The following FARP2 variants were observed in gnomAD, a reference collection of about 807,000 sequenced individuals.
FARP2 encodes FERM, ARH/RhoGEF and pleckstrin domain protein 2.
In FARP2, 111 loss-of-function variants were observed where a neutral mutation model predicts 130.5. The observed-to-expected ratio is 0.85, with a 90% confidence interval of 0.73 to 1.00. FARP2 has a LOEUF of 1.00. Ranked by LOEUF, FARP2 falls within the 50% of genes least tolerant of loss-of-function variation. The pLI, the probability that FARP2 is intolerant of heterozygous loss-of-function variation, is 0.00. For missense variants in FARP2, 1,385 were observed against 1,346.3 expected, an observed-to-expected ratio of 1.03 and a Z score of -0.45; for synonymous variants, 504 against 516.9, an observed-to-expected ratio of 0.98 and a Z score of 0.34.
chr2:241,441,472 G>A lies in FARP2; in HGVS notation c.1327G>A (p.Glu443Lys), dbSNP rs200959257. Reference protein sequence around the residue: ...QVSYVKSPAAERRSGAVAGGP... With the variant: ...QVSYVKSPAAKRRSGAVAGGP... Reference sequence around the variant, plus strand: ...TTCCTACGTCAAGAGTCCAGCTGCAGAGAGGCGCAGTGGAGCAGTGGCTGG... The same window carrying A: ...TTCCTACGTCAAGAGTCCAGCTGCAAAGAGGCGCAGTGGAGCAGTGGCTGG... The change falls in exon 13 of 27, where the codon GAG becomes AAG. Residue 443 changes from glutamate to lysine, a missense_variant. By Grantham distance (56) the Glu-to-Lys change is moderately conservative. Transcript: ENST00000264042. 4.3e-6 allele frequency: 7 copies of A among 1,614,220 alleles called. No individual in the cohort carries two copies. The highest frequency in any genetic ancestry group is 5.9e-6 in the Non-Finnish European group (7 of 1,180,042).
At chr2:241,462,448 C>A in intron 14 of FARP2, 75 bp from the exon 15 acceptor site, 2 of 1,017,472 alleles carry the variant, frequency 2.0e-6, no homozygotes, top group Non-Finnish European at 3.1e-6. Flanking sequence ...CAAACATTAC[C>A]AACTTCAGGC....
At position 241,441,491 on chromosome 2, in the gene FARP2, T is replaced by C; in HGVS notation, c.1346T>C (p.Val449Ala). The C allele has an allele frequency of 6.2e-7, 1 of 1,614,134 alleles. No individual in the cohort carries two copies. The highest frequency in any genetic ancestry group is 8.5e-7 in the Non-Finnish European group (1 of 1,180,006). Residue 449 changes from valine to alanine, a missense_variant, in exon 13 of 27, where the codon GTG (valine) becomes GCG (alanine). Physicochemically the swap from Val to Ala is moderately conservative, Grantham distance 64. Transcript: ENST00000264042. The part of the protein sequence containing the change: ...SPAAERRSGA[V>A]AGGPDTPSAQ... The stretch of plus-strand genomic sequence containing the variant: ...GCTGCAGAGAGGCGCAGTGGAGCAG[T>C]GGCTGGAGGCCCCGACACACCATCG...
intron 12 of FARP2, among the ~76,000 whole-genome samples, chr2:241,440,187 A>G (rs1309232735): frequency 1.3e-5 from 2 of 152,234 alleles, no homozygotes; most frequent in Admixed American, 6.5e-5. Flanking sequence ...TAACACGTGC[A>G]TGTGTATATT....
chr2:241,366,100 A>ATATATATATATATAT (rs1553705591), intron 1 of FARP2, among the ~76,000 whole-genome samples: 2 of 9,236 alleles, frequency 2.2e-4, no homozygotes, highest in Non-Finnish European at 1.6e-3. Flanking sequence ...ACTAAAAAAA[A>ATATATATATATATAT]AAAAATATAT....
chr2:241,483,389 C>G, intron 19 of FARP2, 76 bp from the exon 20 acceptor site: 1 of 1,279,414 alleles, frequency 7.8e-7, no homozygotes. Flanking sequence ...AAGGCTATTC[C>G]TGACCCTCAG....
intron 2 of FARP2, among the ~76,000 whole-genome samples, chr2:241,400,568 T>G (rs866972306): frequency 6.6e-6 from 1 of 152,214 alleles, no homozygotes; most frequent in African/African-American, 2.4e-5. Flanking sequence ...TGACTTTTTA[T>G]CAGATTCTCA....
At chr2:241,405,770 C>T (rs1314910963) in intron 4 of FARP2, among the ~76,000 whole-genome samples, 2 of 151,988 alleles carry the variant, frequency 1.3e-5, no homozygotes, top group African/African-American at 4.8e-5. Context: ...CCTGTCTCTA[C>T]TAAAAATACA....
intron 23 of FARP2, 100 bp from the exon 24 acceptor site, chr2:241,491,416 C>T (rs1261087858): frequency 4.5e-6 from 6 of 1,331,726 alleles, no homozygotes; most frequent in Non-Finnish European, 6.2e-6. Context: ...AAGGGCTCCC[C>T]ATTTCCCCAG....
At position 241,404,790 on chromosome 2, in the gene FARP2, C is replaced by A. The variant is rs1345955082; in HGVS notation, c.289-9C>A. 1 of 1,597,724 alleles carries A rather than the reference C, an allele frequency of 6.3e-7. No homozygotes were observed. The highest frequency in any genetic ancestry group is 1.7e-5 in the Admixed American group (1 of 59,932). On this transcript the variant is annotated splice_polypyrimidine_tract_variant and intron_variant, in intron 3 of 26. Coordinates refer to ENST00000264042, the MANE Select transcript of FARP2 (RefSeq NM_014808.4). ...ATAGATTGGATTTCTTCTGTTAACT[C>A]TTCTTTAGATTTGGCTTGAACCTAT... is the stretch of plus-strand genomic sequence containing the variant.
intron 2 of FARP2, among the ~76,000 whole-genome samples, chr2:241,390,134 C>T (rs551085524): frequency 1.3e-5 from 2 of 152,354 alleles, no homozygotes; most frequent in African/African-American, 4.8e-5. Flanking sequence ...AAGTTGGCCC[C>T]GTGGCATAGT....
At chr2:241,381,942 A>C (rs923079930) in intron 2 of FARP2, among the ~76,000 whole-genome samples, 1 of 152,188 alleles carries the variant, frequency 6.6e-6, no homozygotes, top group Non-Finnish European at 1.5e-5. Context: ...AGACCAATCA[A>C]CGCCATCTCT....
chr2:241,431,599 T>C (rs551027656), intron 8 of FARP2, 80 bp from the exon 9 acceptor site: 13 of 741,248 alleles, frequency 1.8e-5, no homozygotes, highest in Non-Finnish European at 2.6e-5. Context: ...GGCAAGGATG[T>C]AATTTAAGCA....
At chr2:241,483,570 GA>G in intron 20 of FARP2, 37 bp downstream of exon 20, 1 of 1,579,772 alleles carries the variant, frequency 6.3e-7, no homozygotes, top group Non-Finnish European at 8.7e-7. Flanking sequence ...GCTTCCCCCC[GA>G]GGGGGATGGG....
At chr2:241,476,665 G>A (rs535358456) in intron 19 of FARP2, among the ~76,000 whole-genome samples, 2 of 151,958 alleles carry the variant, frequency 1.3e-5, no homozygotes, top group South Asian at 4.2e-4. Flanking sequence ...CTCTAGCCTG[G>A]GTAACATGAG....
At chr2:241,492,185 T>A (rs1180340984) in intron 24 of FARP2, among the ~76,000 whole-genome samples, 1 of 152,132 alleles carries the variant, frequency 6.6e-6, no homozygotes, top group East Asian at 1.9e-4. Context: ...CTCTTGTCTT[T>A]TTTGCTGTCT....
At chr2:241,367,018 C>T (rs1004563593) in intron 1 of FARP2, among the ~76,000 whole-genome samples, 3 of 152,044 alleles carry the variant, frequency 2.0e-5, no homozygotes, top group Admixed American at 6.5e-5. Flanking sequence ...TGTCAGTAAG[C>T]GCTCTTCCAT....
At position 241,442,221 on chromosome 2, in the gene FARP2, A is replaced by G. The variant is rs1371047512; in HGVS notation, c.1411+665A>G. ...GGCTGTCTGTGCACACATGCAGCTC[A>G]GCCAGTCAATCTGAGGCCAGCTCCA... On this transcript the variant is annotated intron_variant, in intron 13 of 26. Transcript: ENST00000264042. 1.1e-5 allele frequency: 5 copies of G among 456,616 alleles called. No individual in the cohort carries two copies. The Admixed American group carries it at 1.2e-4, about 11-fold the overall frequency. The allele number at this position is 456,616 out of a possible 1,614,324, so 28.3% of individuals were successfully genotyped here.
chr2:241,464,544 CCCT>C (rs1410753664), intron 17 of FARP2, among the ~76,000 whole-genome samples: 17 of 152,078 alleles, frequency 1.1e-4, no homozygotes, highest in African/African-American at 3.6e-4. Flanking sequence ...GCAGAGTCCC[CCCT>C]AAAGCAGGGT....
chr2:241,459,110 A>C lies in FARP2; in HGVS notation c.1587+2188A>C, dbSNP rs1363931150. On this transcript the variant is annotated intron_variant, in intron 14 of 26. Transcript: ENST00000264042. The surrounding 1 kb of genome is among the most constrained non-coding windows in gnomAD (Gnocchi z 5.3). ...TTCTGTGTGTGTGAGTTGAGATAGC[A>C]AGGCTGTTGCCCAGCACAGGTGGGC... Among the ~76,000 whole-genome samples, 3 of 152,228 alleles carry C rather than the reference A, an allele frequency of 2.0e-5. No homozygotes were observed. The highest frequency in any genetic ancestry group is 7.2e-5 in the African/African-American group (3 of 41,464).
Sources: gnomAD v4.1 joint callset for allele counts (sites outside exome capture counted in the v4.1 genomes callset) on GRCh38, gnomAD v4.1.1 for gene constraint, Gnocchi (gnomAD v3.1) non-coding constraint, MANE v1.5 for transcripts, NCBI Gene and HGNC (gene_info 2026-07-23, HGNC 2026-07-21) for gene names.